Variants in YJU2 observed in about 807,000 individuals in gnomAD.
YJU2 encodes YJU2 splicing factor homolog, also known as splicing factor YJU2.
In YJU2, 28 loss-of-function variants were observed where a neutral mutation model predicts 39.6. That is an observed-to-expected ratio of 0.71 (90% CI 0.52 to 0.97). The LOEUF (loss-of-function observed/expected upper bound fraction) is 0.97, where lower values mean the gene tolerates loss of function less well. Among genes scored for constraint, YJU2 ranks in the 50% least tolerant of loss-of-function variants. YJU2 has a pLI of 0.00. For synonymous variants in YJU2, 184 were observed against 182.4 expected, an observed-to-expected ratio of 1.01 and a Z score of -0.07; for missense variants, 328 against 430.4, an observed-to-expected ratio of 0.76 and a Z score of 2.11.
At chr19:4,254,653 C>G (rs1971004862) in intron 4 of YJU2, among the ~76,000 whole-genome samples, 164 bp downstream of exon 4, 1 of 152,012 alleles carries the variant, frequency 6.6e-6, no homozygotes, top group Non-Finnish European at 1.5e-5. Flanking sequence ...GGCATAGTGG[C>G]TCATGCCTGT....
At chr19:4,254,718 T>C (rs1971005529) in intron 4 of YJU2, among the ~76,000 whole-genome samples, 1 of 151,328 alleles carries the variant, frequency 6.6e-6, no homozygotes, top group African/African-American at 2.4e-5. Flanking sequence ...TCAGGAGTCC[T>C]AGACCAGCCT....
At chr19:4,263,492 G>A (rs991713054) in intron 6 of YJU2, among the ~76,000 whole-genome samples, 2 of 152,106 alleles carry the variant, frequency 1.3e-5, no homozygotes, top group Admixed American at 6.6e-5. Context: ...CAGCTGGTCC[G>A]TGCCTGGCTG....
chr19:4,249,223 T>G lies in YJU2; in HGVS notation c.25-5T>G. On this transcript the variant is annotated splice_region_variant and splice_polypyrimidine_tract_variant and intron_variant, in intron 1 of 7. Transcript: ENST00000262962. Reference sequence around the variant, plus strand: ...CTCCCCCAACGTTTCCTTCCTCCCCTGCAGAAATACTACCCGCCGGACTTT... The same window carrying G: ...CTCCCCCAACGTTTCCTTCCTCCCCGGCAGAAATACTACCCGCCGGACTTT... The G allele has an allele frequency of 1.2e-6, 2 of 1,605,374 alleles. No homozygotes were observed. Among genetic ancestry groups the G allele is most frequent in the Non-Finnish European group, 1.7e-6 (2 of 1,172,918 alleles).
At chr19:4,256,182 ATATATATAT>A (rs375211586) in intron 4 of YJU2, among the ~76,000 whole-genome samples, 32,500 of 97,144 alleles carry the variant, frequency 0.33, 4,207 homozygotes, top group South Asian at 0.43. Context: ...AAAAAAAAAA[ATATATATAT>A]ATATATATAT....
intron 7 of YJU2, among the ~76,000 whole-genome samples, chr19:4,268,018 TC>T (rs1035945526): frequency 1.4e-4 from 21 of 151,658 alleles, no homozygotes; most frequent in African/African-American, 5.1e-4. Flanking sequence ...AGTGGTGCCA[TC>T]TCGGCTCACC....
At chr19:4,256,922 G>T (rs4807555) in intron 4 of YJU2, among the ~76,000 whole-genome samples, 61,317 of 152,050 alleles carry the variant, frequency 0.4, 14,235 homozygotes, top group African/African-American at 0.64. Context: ...CATTATTTCT[G>T]TCATATTCCA....
intron 5 of YJU2, among the ~76,000 whole-genome samples, chr19:4,260,221 C>G (rs993489914): frequency 1.3e-5 from 2 of 152,150 alleles, no homozygotes; most frequent in Non-Finnish European, 2.9e-5. Context: ...GTCAGCAGTT[C>G]GAGACCAGCC....
At chr19:4,254,523 CTGTGTGTGTGGGTG>C in intron 4 of YJU2, 34 bp downstream of exon 4, 1 of 1,542,652 alleles carries the variant, frequency 6.5e-7, no homozygotes, top group South Asian at 1.2e-5. Context: ...TTCATGGGCG[CTGTGTGTGTGGGTG>C]TGTGTGTGTG....
chr19:4,267,784 C>CA lies in YJU2; in HGVS notation c.859+11dup, dbSNP rs370706288. On this transcript the variant is annotated intron_variant, in intron 7 of 7. Transcript: ENST00000262962. ...GCGGCCCCCACCCCAGGTAAGGTCA[C>CA]AGAGTTCCCAGAGCCGGGCGCGGTT... is the stretch of plus-strand genomic sequence containing the variant. 1.2e-4 allele frequency: 195 copies of CA among 1,607,448 alleles called. 1 individual carries two copies. The highest frequency in any genetic ancestry group is 9.9e-4 in the Middle Eastern group (6 of 6,040).
intron 4 of YJU2, among the ~76,000 whole-genome samples, chr19:4,255,160 G>T (rs960992275): frequency 6.6e-6 from 1 of 151,914 alleles, no homozygotes; most frequent in African/African-American, 2.4e-5. Flanking sequence ...GGAGGCAGAG[G>T]TTGCAGTGAG....
chr19:4,258,516 G>GTGTC (rs1162357345), intron 5 of YJU2, 93 bp downstream of exon 5: 2 of 1,470,832 alleles, frequency 1.4e-6, no homozygotes, highest in Non-Finnish European at 1.8e-6. Context: ...GCTCTCTGGA[G>GTGTC]TGTCGCCTTT....
Position 4,254,375 on chromosome 19 carries a change from C to G in YJU2, c.291C>G (p.Asp97Glu). The change falls in exon 4 of 8, where the codon GAC (aspartate) becomes GAG (glutamate). Residue 97 changes from aspartate (D) to glutamate (E), a missense_variant. Physicochemically the swap from Asp to Glu is conservative, Grantham distance 45. Coordinates refer to ENST00000262962, the MANE Select transcript of YJU2 (RefSeq NM_018074.6). Reference sequence around the variant, plus strand: ...TGCAGACAGACCCTGAAAACACAGACTACACCATGGAGCATGGAGCCACGC... The same window carrying G: ...TGCAGACAGACCCTGAAAACACAGAGTACACCATGGAGCATGGAGCCACGC... Reference protein sequence around the residue: ...ITFKTDPENTDYTMEHGATRN... With the variant: ...ITFKTDPENTEYTMEHGATRN... 1 of 1,613,682 alleles carries G rather than the reference C, an allele frequency of 6.2e-7. No homozygotes were observed. The highest frequency in any genetic ancestry group is 8.5e-7 in the Non-Finnish European group (1 of 1,179,792).
intron 6 of YJU2, among the ~76,000 whole-genome samples, 193 bp from the exon 7 acceptor site, chr19:4,267,431 G>C (rs982557502): frequency 1.3e-5 from 2 of 152,224 alleles, no homozygotes; most frequent in Admixed American, 6.6e-5. Context: ...ATGTGGGATG[G>C]AGAATGGGCA....
intron 4 of YJU2, among the ~76,000 whole-genome samples, chr19:4,255,494 C>T (rs1971012375): frequency 6.6e-6 from 1 of 151,856 alleles, no homozygotes; most frequent in Non-Finnish European, 1.5e-5. Context: ...CTTTGGGAGG[C>T]CAAGGCAGGT....
At chr19:4,267,600 C>A in intron 6 of YJU2, 24 bp from the exon 7 acceptor site, 1 of 1,608,336 alleles carries the variant, frequency 6.2e-7, no homozygotes, top group South Asian at 1.1e-5. Context: ...GCCAGACCCC[C>A]ACATGTGTCC....
At chr19:4,251,542 A>G (rs1397819302) in intron 3 of YJU2, among the ~76,000 whole-genome samples, 1 of 152,042 alleles carries the variant, frequency 6.6e-6, no homozygotes, top group African/African-American at 2.4e-5. Flanking sequence ...TACAAAAATT[A>G]CTGGGCATGG....
chr19:4,264,344 G>C (rs577967577), intron 6 of YJU2, among the ~76,000 whole-genome samples: 22 of 147,396 alleles, frequency 1.5e-4, no homozygotes, highest in Middle Eastern at 3.6e-3. Context: ...GTCTTACTCT[G>C]TTGCCCAGGC....
chr19:4,252,693 G>A (rs1021745075), intron 3 of YJU2, among the ~76,000 whole-genome samples: 5 of 152,168 alleles, frequency 3.3e-5, no homozygotes, highest in African/African-American at 9.7e-5. Context: ...GAGAGGTCAA[G>A]GGAGAAGGAT....
At chr19:4,249,410 G>A in intron 2 of YJU2, 82 bp downstream of exon 2, 2 of 869,320 alleles carry the variant, frequency 2.3e-6, no homozygotes, top group South Asian at 1.5e-5. Context: ...GACTCGTCCG[G>A]TGTTAAGACC....
Sources: allele counts gnomAD v4.1 joint callset (sites outside exome capture counted in the v4.1 genomes callset), GRCh38; gene constraint gnomAD v4.1.1; transcripts MANE v1.5; gene names NCBI Gene and HGNC (gene_info 2026-07-23, HGNC 2026-07-21).